Variants in OSBPL10 observed in about 807,000 individuals in gnomAD.
The protein encoded by OSBPL10 is oxysterol-binding protein-related protein 10.
OSBPL10 carries 49 observed loss-of-function variants against 81.7 expected under a neutral mutation model. The ratio of observed to expected loss-of-function variants is 0.60; its 90% confidence interval spans 0.48 to 0.76. The LOEUF is 0.76. Among genes scored for constraint, OSBPL10 ranks in the 30% least tolerant of loss-of-function variants. The pLI, the probability that OSBPL10 is intolerant of heterozygous loss-of-function variation, is 0.00. For synonymous variants in OSBPL10, 419 were observed against 383.6 expected (o/e 1.09, Z -1.08); for missense variants, 923 against 987.8 (o/e 0.93, Z 0.88).
intron 4 of OSBPL10, chr3:31,797,865 T>C (rs973510597): frequency 1.8e-5 from 8 of 450,564 alleles, no homozygotes; most frequent in African/African-American, 1.4e-4. Context: ...GATGGGGGGG[T>C]GAATGTTAGA....
chr3:31,742,472 A>G (rs749619482), intron 5 of OSBPL10, among the ~76,000 whole-genome samples: 5 of 152,146 alleles, frequency 3.3e-5, no homozygotes, highest in Non-Finnish European at 7.3e-5. Flanking sequence ...TCTCAAATCT[A>G]TTCTCTTGAT....
chr3:32,010,237 G>A (rs1286539527), intron 2 of OSBPL10, among the ~76,000 whole-genome samples: 1 of 152,066 alleles, frequency 6.6e-6, no homozygotes, highest in African/African-American at 2.4e-5. Flanking sequence ...TGTAAGCCAA[G>A]GAGAGAGGCT....
intron 8 of OSBPL10, 113 bp from the exon 9 acceptor site, chr3:31,671,096 C>T: frequency 9.7e-7 from 1 of 1,028,342 alleles, no homozygotes; most frequent in Non-Finnish European, 1.4e-6. Flanking sequence ...TGTCACATCT[C>T]CCACCTCTGC....
chr3:31,882,899 T>C (rs898902256), intron 1 of OSBPL10, among the ~76,000 whole-genome samples: 1 of 152,166 alleles, frequency 6.6e-6, no homozygotes, highest in African/African-American at 2.4e-5. Context: ...TATTTGTATT[T>C]TCAGATCCTT....
chr3:31,670,684 G>C lies in OSBPL10; in HGVS notation c.1913+113C>G, dbSNP rs3749406. 2.6e-5 allele frequency: 33 copies of C among 1,250,324 alleles called. No homozygotes were observed. The Admixed American group carries it at 7.5e-4, about 29-fold the overall frequency. The allele number at this position is 1,250,324 out of a possible 1,614,324, so 77.5% of individuals were successfully genotyped here. ...TCTCTTTTGGAAAAGACCTTAACAA[G>C]TTTATCTTGATTTTCAACTCATCCC... On this transcript the variant is annotated intron_variant, in intron 9 of 11. Coordinates refer to ENST00000396556, the MANE Select transcript of OSBPL10 (RefSeq NM_017784.5).
chr3:31,838,192 TTG>T (rs1010815575), intron 3 of OSBPL10, among the ~76,000 whole-genome samples: 11 of 152,232 alleles, frequency 7.2e-5, no homozygotes, highest in African/African-American at 2.4e-4. Context: ...GTCTAAATAT[TTG>T]TGTCCCCTCC....
intron 1 of OSBPL10, among the ~76,000 whole-genome samples, chr3:32,048,913 T>C (rs534599142): frequency 5.7e-4 from 87 of 152,322 alleles, no homozygotes; most frequent in African/African-American, 2.0e-3. Context: ...AAGTGACCTC[T>C]GGTTGTTATC....
rs368780097 is a variant in OSBPL10, at chr3:31,829,986, T to C, written c.729+54A>G. 614 of 1,517,170 alleles carry C rather than the reference T, an allele frequency of 4.0e-4. 4 individuals carry two copies. The East Asian group carries it at 0.012, about 30-fold the overall frequency. The allele number at this position is 1,517,170 out of a possible 1,614,324, so 94.0% of individuals were successfully genotyped here. On this transcript the variant is annotated intron_variant, in intron 4 of 11. Coordinates refer to ENST00000396556, the MANE Select transcript of OSBPL10 (RefSeq NM_017784.5). ...GGAAGAGGAGTCGGCAGAGCGACTGTCACAGCCCCCAACTCCCCGGGGCTG... is the reference window on the plus strand; with the variant it reads ...GGAAGAGGAGTCGGCAGAGCGACTGCCACAGCCCCCAACTCCCCGGGGCTG...
At chr3:31,967,009 A>ATT (rs921219017) in intron 1 of OSBPL10, among the ~76,000 whole-genome samples, 2 of 146,934 alleles carry the variant, frequency 1.4e-5, no homozygotes, top group African/African-American at 5.0e-5. Flanking sequence ...CTCTGAGGGG[A>ATT]TTTTTTTTTT....
At chr3:31,807,470 A>G (rs546843537) in intron 4 of OSBPL10, among the ~76,000 whole-genome samples, 2 of 151,954 alleles carry the variant, frequency 1.3e-5, no homozygotes, top group South Asian at 2.1e-4. Context: ...AGAGACTGCT[A>G]AAATGCAAGA....
rs1700080507 is a variant in OSBPL10, at chr3:31,661,922, CTTTTCATAGTATA to C, written c.*137_*149del. 2 of 1,216,790 alleles carry C rather than the reference CTTTTCATAGTATA, an allele frequency of 1.6e-6. No individual in the cohort carries two copies. The highest frequency in any genetic ancestry group is 2.3e-6 in the Non-Finnish European group (2 of 877,386). 75.4% of individuals were successfully genotyped at this position (1,216,790 alleles called of 1,614,324 possible). Reference sequence around the variant, plus strand: ...TCCTCTAGCAGAGTGTGGGGGTGCACTTTTCATAGTATATAATTTCTCTCTCTCTCATCATTTC... The same window carrying C: ...TCCTCTAGCAGAGTGTGGGGGTGCACTAATTTCTCTCTCTCTCATCATTTC... On this transcript the variant is annotated 3_prime_UTR_variant, in exon 12 of 12. Transcript: ENST00000396556.
At chr3:31,808,351 A>G (rs552530336) in intron 4 of OSBPL10, among the ~76,000 whole-genome samples, 3 of 152,220 alleles carry the variant, frequency 2.0e-5, no homozygotes, top group Non-Finnish European at 1.5e-5. Context: ...AGGTCTTGTC[A>G]GGTGTCATGT....
intron 4 of OSBPL10, among the ~76,000 whole-genome samples, chr3:31,757,183 T>C (rs1413348975): frequency 6.6e-6 from 1 of 152,232 alleles, no homozygotes; most frequent in East Asian, 1.9e-4. Flanking sequence ...TATGCTGAAG[T>C]CCTAATTCCC....
intron 6 of OSBPL10, chr3:31,704,928 C>G (rs1356141669): frequency 1.3e-5 from 2 of 152,252 alleles, no homozygotes; most frequent in East Asian, 3.8e-4. Context: ...AATGTGAAAA[C>G]AAACCCCTCC....
chr3:32,027,853 A>G (rs931712960), intron 2 of OSBPL10, among the ~76,000 whole-genome samples: 1 of 152,224 alleles, frequency 6.6e-6, no homozygotes, highest in African/African-American at 2.4e-5. Context: ...GTCACCCTTC[A>G]GACTCCACAA....
Position 31,748,166 on chromosome 3 carries a change from T to C in OSBPL10, c.730-46A>G, listed in dbSNP as rs940622041. 4 of 1,539,674 alleles carry C rather than the reference T, an allele frequency of 2.6e-6. No homozygotes were observed. The African/African-American group carries it at 4.1e-5, about 16-fold the overall frequency. On this transcript the variant is annotated intron_variant, in intron 4 of 11. Coordinates refer to ENST00000396556, the MANE Select transcript of OSBPL10 (RefSeq NM_017784.5). ...AAGGAGGTGAGGGGCGGAAGTTCTTTCGACAGGCTGGGGAGGCGGCAGATA... is the reference window on the plus strand; with the variant it reads ...AAGGAGGTGAGGGGCGGAAGTTCTTCCGACAGGCTGGGGAGGCGGCAGATA...
chr3:31,694,366 G>T (rs2125574635), intron 7 of OSBPL10, among the ~76,000 whole-genome samples: 2 of 53,496 alleles, frequency 3.7e-5, no homozygotes, highest in Non-Finnish European at 3.1e-5. Flanking sequence ...GTAAGACTCT[G>T]TCTCAAAAAA....
chr3:32,025,057 A>G (rs915438657), intron 2 of OSBPL10, among the ~76,000 whole-genome samples: 10 of 152,200 alleles, frequency 6.6e-5, no homozygotes, highest in African/African-American at 2.4e-4. Context: ...GGGAGTAGAC[A>G]GTCTCACCTT....
chr3:32,058,706 C>T lies in OSBPL10; in HGVS notation n.186-12103G>A, dbSNP rs144481847. Among the ~76,000 whole-genome samples, 256 of 152,272 alleles carry T rather than the reference C, an allele frequency of 1.7e-3. 1 individual carries two copies. The highest frequency in any genetic ancestry group is 6.0e-3 in the African/African-American group (249 of 41,560). ...TTTTAAAGACAGAGTCATGCTCTGTCGCCTAGGCTGGAATACAGTGGTGCC... is the reference window on the plus strand; with the variant it reads ...TTTTAAAGACAGAGTCATGCTCTGTTGCCTAGGCTGGAATACAGTGGTGCC... On this transcript the variant is annotated intron_variant and non_coding_transcript_variant, in intron 1 of 3. Transcript: ENST00000479173.
Sources: gnomAD v4.1 joint callset for allele counts (sites outside exome capture counted in the v4.1 genomes callset) on GRCh38, gnomAD v4.1.1 for gene constraint, MANE v1.5 for transcripts, NCBI Gene and HGNC (gene_info 2026-07-23, HGNC 2026-07-21) for gene names.